CDK14: variants seen among roughly 807,000 people sequenced by gnomAD.
CDK14 encodes cyclin dependent kinase 14.
In CDK14, 34 loss-of-function variants were observed where a neutral mutation model predicts 60.7. The observed-to-expected ratio is 0.56, with a 90% CI of 0.43 to 0.75. The LOEUF is 0.75. CDK14 is among the 30% of genes least tolerant of loss of function. The probability of loss-of-function intolerance (pLI) is 0.00; values close to 1 mark genes in which losing one functional copy is unlikely to be tolerated. For synonymous variants in CDK14, 197 were observed against 203.7 expected, an observed-to-expected ratio of 0.97 and a Z score of 0.28; for missense variants, 482 against 564.1, an observed-to-expected ratio of 0.85 and a Z score of 1.47.
At chr7:90,803,544 T>C (rs1338354435) in intron 5 of CDK14, among the ~76,000 whole-genome samples, 1 of 151,802 alleles carries the variant, frequency 6.6e-6, no homozygotes, top group African/African-American at 2.4e-5. Context: ...GGTAATTAGG[T>C]AGATAGTGGA....
At chr7:91,172,946 C>T (rs1202384265) in intron 14 of CDK14, among the ~76,000 whole-genome samples, 1 of 152,108 alleles carries the variant, frequency 6.6e-6, no homozygotes, top group Non-Finnish European at 1.5e-5. Context: ...AGTTTTTGAA[C>T]GAGGATGAAG....
intron 11 of CDK14, among the ~76,000 whole-genome samples, chr7:91,078,298 T>A (rs953963797): frequency 6.6e-6 from 1 of 152,164 alleles, no homozygotes; most frequent in African/African-American, 2.4e-5. Context: ...TTATAGAACG[T>A]TATACGATTT....
chr7:90,674,936 A>G (rs1801167703), intron 2 of CDK14, among the ~76,000 whole-genome samples: 1 of 152,248 alleles, frequency 6.6e-6, no homozygotes, highest in South Asian at 2.1e-4. Context: ...ATATTTTGAC[A>G]TATGGTGTAG....
intron 5 of CDK14, among the ~76,000 whole-genome samples, chr7:90,830,229 T>C (rs954181633): frequency 2.0e-5 from 3 of 152,190 alleles, no homozygotes; most frequent in Non-Finnish European, 4.4e-5. Context: ...ATACATCCTC[T>C]GAAATCTAGG....
At chr7:90,914,289 C>A (rs1793000183) in intron 7 of CDK14, among the ~76,000 whole-genome samples, 2 of 152,264 alleles carry the variant, frequency 1.3e-5, no homozygotes, top group Non-Finnish European at 2.9e-5. Context: ...TTGTAACAGC[C>A]AAATCAATTC....
At chr7:90,893,090 A>G (rs1432287288) in intron 6 of CDK14, among the ~76,000 whole-genome samples, 1 of 152,158 alleles carries the variant, frequency 6.6e-6, no homozygotes, top group Non-Finnish European at 1.5e-5. Flanking sequence ...TTGAGTCTTC[A>G]GAGCCTCTTT....
chr7:90,773,268 C>T (rs531694618), intron 4 of CDK14, among the ~76,000 whole-genome samples: 1 of 152,240 alleles, frequency 6.6e-6, no homozygotes, highest in South Asian at 2.1e-4. Context: ...ATTATTGCAA[C>T]CCCACAGATA....
chr7:90,687,498 A>G (rs1209760588), intron 2 of CDK14, among the ~76,000 whole-genome samples: 1 of 152,102 alleles, frequency 6.6e-6, no homozygotes. Context: ...GGCTTTTTGA[A>G]CAAGGGAAAA....
chr7:90,900,933 G>T (rs1348365161), intron 7 of CDK14, among the ~76,000 whole-genome samples: 1 of 152,116 alleles, frequency 6.6e-6, no homozygotes, highest in Non-Finnish European at 1.5e-5. Flanking sequence ...ACAAAGCATT[G>T]CTGTGTTCTC....
chr7:91,127,576 T>G (rs1799991497), intron 14 of CDK14, among the ~76,000 whole-genome samples: 1 of 152,188 alleles, frequency 6.6e-6, no homozygotes, highest in Non-Finnish European at 1.5e-5. Context: ...ACATGCCCTT[T>G]GGGAGATTTG....
At position 90,755,685 on chromosome 7, in the gene CDK14, AAAAC is replaced by A. The variant is rs1749141349; in HGVS notation, c.464+7914_464+7917del. On this transcript the variant is annotated intron_variant, in intron 4 of 14. Transcript: ENST00000380050. Reference sequence around the variant, plus strand: ...GAATAGTCAGCATGATAAGGGATAAAAAACAAAATCCAGAGGACTGTTAATAACC... The same window carrying A: ...GAATAGTCAGCATGATAAGGGATAAAAAAATCCAGAGGACTGTTAATAACC... 2.0e-5 allele frequency among the ~76,000 whole-genome samples: 3 copies of A among 152,334 alleles called. No homozygotes were observed. In the South Asian group the frequency reaches 6.2e-4, roughly 32 times the overall value.
chr7:91,078,424 T>A (rs1362428739), intron 11 of CDK14, among the ~76,000 whole-genome samples: 1 of 152,164 alleles, frequency 6.6e-6, no homozygotes, highest in Admixed American at 6.5e-5. Context: ...CTGGCCAGCA[T>A]GATGACACCC....
intron 6 of CDK14, among the ~76,000 whole-genome samples, chr7:90,885,047 C>T (rs192004411): frequency 5.3e-5 from 8 of 152,238 alleles, no homozygotes; most frequent in African/African-American, 1.7e-4. Context: ...ATGACAGAAA[C>T]GCCAAAAATA....
At chr7:90,787,840 G>A (rs1268579805) in intron 4 of CDK14, among the ~76,000 whole-genome samples, 2 of 152,022 alleles carry the variant, frequency 1.3e-5, no homozygotes, top group African/African-American at 4.8e-5. Context: ...CCTAGGTCTT[G>A]TTTTTTTATG....
chr7:91,102,114 A>G (rs1367926007), intron 12 of CDK14, among the ~76,000 whole-genome samples: 1 of 152,188 alleles, frequency 6.6e-6, no homozygotes, highest in Non-Finnish European at 1.5e-5. Context: ...TTCAGTGGCC[A>G]GCACCCGCAT....
intron 6 of CDK14, among the ~76,000 whole-genome samples, chr7:90,895,748 A>C: frequency 1.8e-5 from 1 of 54,100 alleles, no homozygotes; most frequent in Middle Eastern, 0.014. Flanking sequence ...TTTTTTTTTG[A>C]GATTTTTAGT....
intron 10 of CDK14, among the ~76,000 whole-genome samples, chr7:91,036,064 C>T (rs908708207): frequency 1.3e-5 from 2 of 152,066 alleles, no homozygotes; most frequent in South Asian, 2.1e-4. Context: ...AGGATGGTCT[C>T]GATCTCCTGA....
chr7:90,639,204 G>A (rs11973111), intron 2 of CDK14, among the ~76,000 whole-genome samples: 2,784 of 152,162 alleles, frequency 0.018, 82 homozygotes, highest in African/African-American at 0.063. Context: ...GAGGAGAGGT[G>A]CTCTGCTTAG....
chr7:91,207,766 A>G lies in CDK14; in HGVS notation c.*630A>G, dbSNP rs1011586464. On this transcript the variant is annotated 3_prime_UTR_variant, in exon 15 of 15. Coordinates refer to ENST00000380050, the MANE Select transcript of CDK14 (RefSeq NM_001287135.2). ...TACTTGGAAATAACTGCACATTTAT[A>G]TATAGGATATTGGACTCTGCTTAGC... 2 of 152,670 alleles carry G rather than the reference A, an allele frequency of 1.3e-5. No homozygotes were observed. Among genetic ancestry groups the G allele is most frequent in the Admixed American group, 6.5e-5 (1 of 15,284 alleles). The allele number at this position is 152,670 out of a possible 1,614,324, so 9.5% of individuals were successfully genotyped here.
Sources: allele counts gnomAD v4.1 joint callset (sites outside exome capture counted in the v4.1 genomes callset), GRCh38; gene constraint gnomAD v4.1.1; transcripts MANE v1.5; gene names NCBI Gene and HGNC (gene_info 2026-07-23, HGNC 2026-07-21).